Variants in OPN5 observed in about 807,000 individuals in gnomAD.
The protein encoded by OPN5 is opsin-5.
In OPN5, 18 loss-of-function variants were observed where a neutral mutation model predicts 41.7. The ratio of observed to expected loss-of-function variants is 0.43; its 90% CI spans 0.30 to 0.64. OPN5 has a LOEUF of 0.64. OPN5 is among the 30% of genes least tolerant of loss of function. The pLI, the probability that OPN5 is intolerant of heterozygous loss-of-function variation, is 0.13. For missense variants in OPN5, 318 were observed against 434.5 expected (o/e 0.73, Z 2.38); for synonymous variants, 178 against 164.3 (o/e 1.08, Z -0.64).
intron 6 of OPN5, among the ~76,000 whole-genome samples, chr6:47,812,288 T>C (rs1762269231): frequency 6.6e-6 from 1 of 152,098 alleles, no homozygotes; most frequent in African/African-American, 2.4e-5. Flanking sequence ...AATGGAAAAC[T>C]CTCCTGTATC....
intron 6 of OPN5, among the ~76,000 whole-genome samples, chr6:47,813,113 C>CAAAAAAAAAAAA (rs1341179581): frequency 5.2e-5 from 6 of 114,576 alleles, no homozygotes; most frequent in African/African-American, 1.7e-4. Flanking sequence ...ACAACAACAA[C>CAAAAAAAAAAAA]AAGCAACAAC....
intron 6 of OPN5, among the ~76,000 whole-genome samples, chr6:47,818,442 C>T (rs928597249): frequency 6.6e-6 from 1 of 152,184 alleles, no homozygotes; most frequent in African/African-American, 2.4e-5. Flanking sequence ...GAGAATCAGG[C>T]ACTCTTCTCT....
In OPN5 at chr6:47,807,656, G is replaced by A. The variant is rs944533663; in HGVS notation, c.757-498G>A. 1.2e-4 allele frequency among the ~76,000 whole-genome samples: 19 copies of A among 152,144 alleles called. No individual in the cohort carries two copies. In the South Asian group the frequency reaches 1.9e-3, roughly 15 times the overall value. ...TTTCCAGTACCTGAGTCTCACACCTGACAAAAATTTGAGTTAAAAGAAATA... is the reference window on the plus strand; with the variant it reads ...TTTCCAGTACCTGAGTCTCACACCTAACAAAAATTTGAGTTAAAAGAAATA... On this transcript the variant is annotated intron_variant, in intron 4 of 6. Transcript: ENST00000371211.
At chr6:47,799,021 G>T (rs1773670141) in intron 4 of OPN5, among the ~76,000 whole-genome samples, 1 of 152,040 alleles carries the variant, frequency 6.6e-6, no homozygotes, top group South Asian at 2.1e-4. Flanking sequence ...TTCTAGCTGG[G>T]TTATGACTGG....
rs544310153 is a variant in OPN5 at position 47,819,379 on chromosome 6, A to AATATATATATATATATATAT, written c.1057-4602_1057-4583dup. ...AAAAATATATTACCGTATAAGTAGA[A>AATATATATATATATATATAT]ATATATATATATATATATATAAAAC... On this transcript the variant is annotated intron_variant, in intron 6 of 6. Transcript: ENST00000371211. 1.1e-3 allele frequency among the ~76,000 whole-genome samples: 106 copies of AATATATATATATATATATAT among 97,308 alleles called. 1 individual carries two copies. The highest frequency in any genetic ancestry group is 2.1e-3 in the East Asian group (6 of 2,870). 63.8% of individuals were successfully genotyped at this position (97,308 alleles called of 152,430 possible).
chr6:47,813,695 G>T (rs1242610769), intron 6 of OPN5, among the ~76,000 whole-genome samples: 1 of 152,010 alleles, frequency 6.6e-6, no homozygotes, highest in Non-Finnish European at 1.5e-5. Flanking sequence ...CCAGTTAAGA[G>T]GCTTTATAAC....
At chr6:47,812,412 A>G (rs1762273534) in intron 6 of OPN5, among the ~76,000 whole-genome samples, 1 of 152,196 alleles carries the variant, frequency 6.6e-6, no homozygotes. Flanking sequence ...ATGAGTTGTA[A>G]TTGCTTAAGA....
chr6:47,814,734 T>C (rs1180073330), intron 6 of OPN5, among the ~76,000 whole-genome samples: 1 of 152,104 alleles, frequency 6.6e-6, no homozygotes, highest in Non-Finnish European at 1.5e-5. Context: ...TATACAGACC[T>C]CAAACACATC....
At chr6:47,795,443 G>T in exon 4 of OPN5, 1 of 1,614,074 alleles carries the variant, frequency 6.2e-7, no homozygotes, top group African/African-American at 1.3e-5. Flanking sequence ...TGCTCCCAAC[G>T]GCTGTGATCG....
At chr6:47,795,646 T>C in intron 4 of OPN5, 83 bp downstream of exon 4, 1 of 909,786 alleles carries the variant, frequency 1.1e-6, no homozygotes, top group African/African-American at 1.7e-5. Flanking sequence ...CGTTGGAGAC[T>C]GAGAGAACTT....
rs150978153 is a variant in OPN5 at position 47,782,104 on chromosome 6, G to A, written c.38G>A (p.Arg13His). Residue 13 changes from arginine to histidine, a missense_variant, in exon 1 of 7, where the codon CGC becomes CAC. This residue lies in a region of OPN5 where 46 missense variants were observed against 44.0 expected (regional missense o/e 1.05). Transcript: ENST00000371211. ...CACACTGCCCTGCCTCAGGACGAGC[G>A]CCTGCCCCATTACCTTCGAGATGGG... 2.1e-5 allele frequency: 34 copies of A among 1,613,234 alleles called. No homozygotes were observed. The African/African-American group carries it at 3.3e-4, about 16-fold the overall frequency.
intron 4 of OPN5, among the ~76,000 whole-genome samples, chr6:47,796,092 G>C (rs1261846253): frequency 6.6e-6 from 1 of 152,084 alleles, no homozygotes; most frequent in Non-Finnish European, 1.5e-5. Flanking sequence ...TGAGTACCTT[G>C]GTAAACGGTA....
exon 4 of OPN5, chr6:47,795,523 G>A (rs975328159): frequency 2.5e-6 from 4 of 1,613,860 alleles, no homozygotes; most frequent in South Asian, 1.1e-5. Flanking sequence ...TTCGACAGTC[G>A]GATCCATAGC....
intron 4 of OPN5, among the ~76,000 whole-genome samples, chr6:47,796,818 A>C (rs1271393731): frequency 2.0e-5 from 3 of 152,216 alleles, no homozygotes; most frequent in Admixed American, 2.0e-4. Flanking sequence ...ATATTGTATT[A>C]GTCTGCTATC....
At chr6:47,815,368 G>A (rs559592208) in intron 6 of OPN5, among the ~76,000 whole-genome samples, 2 of 152,196 alleles carry the variant, frequency 1.3e-5, no homozygotes, top group African/African-American at 4.8e-5. Flanking sequence ...TCTCCATTAA[G>A]TTAGTGCAAA....
In OPN5 at chr6:47,796,405, GTCT is replaced by G. The variant is rs922057841; in HGVS notation, c.756+845_756+847del. 9.9e-5 allele frequency among the ~76,000 whole-genome samples: 15 copies of G among 152,114 alleles called. 1 individual carries two copies. The highest frequency in any genetic ancestry group is 9.8e-4 in the Admixed American group (15 of 15,266). On this transcript the variant is annotated intron_variant, in intron 4 of 6. Transcript: ENST00000371211. ...ATTACTGGTAAAGTCTAAAGCAGTG[GTCT>G]TCACATGTTCATGATTTTTTGCCCT...
intron 4 of OPN5, among the ~76,000 whole-genome samples, chr6:47,800,797 G>A (rs952725863): frequency 2.6e-5 from 4 of 152,204 alleles, no homozygotes; most frequent in Middle Eastern, 3.2e-3. Context: ...CACTGTTGTA[G>A]TTTTTCTTAC....
At chr6:47,798,831 G>T (rs1773663427) in intron 4 of OPN5, among the ~76,000 whole-genome samples, 1 of 151,876 alleles carries the variant, frequency 6.6e-6, no homozygotes, top group Non-Finnish European at 1.5e-5. Flanking sequence ...CTTATATTGG[G>T]CCCTTCCACA....
At chr6:47,795,778 T>TCTCTCTCA (rs766899041) in intron 4 of OPN5, among the ~76,000 whole-genome samples, 15 of 142,890 alleles carry the variant, frequency 1.0e-4, no homozygotes, top group Middle Eastern at 3.4e-3. Context: ...TCTCTCTCTC[T>TCTCTCTCA]CACACACACA....
Sources: allele counts gnomAD v4.1 joint callset (sites outside exome capture counted in the v4.1 genomes callset), GRCh38; gene constraint gnomAD v4.1.1; regional missense constraint gnomAD v4.1.1; transcripts MANE v1.5; gene names NCBI Gene and HGNC (gene_info 2026-07-23, HGNC 2026-07-21).